Variants in SEZ6L observed in about 807,000 individuals in gnomAD.
SEZ6L encodes seizure 6-like protein.
Under a neutral mutation model 106.2 loss-of-function variants are expected in SEZ6L, and 37 were observed. The observed-to-expected ratio is 0.35, with a 90% CI of 0.27 to 0.46. The LOEUF (loss-of-function observed/expected upper bound fraction) is 0.46. Among genes scored for constraint, SEZ6L ranks in the 20% least tolerant of loss-of-function variants. The pLI is 1.00. For missense variants in SEZ6L, 1,172 were observed against 1,332.8 expected, an observed-to-expected ratio of 0.88 and a Z score of 1.88; for synonymous variants, 541 against 570.4, an observed-to-expected ratio of 0.95 and a Z score of 0.73.
At chr22:26,316,376 C>T (rs1601479031) in intron 9 of SEZ6L, among the ~76,000 whole-genome samples, 1 of 152,174 alleles carries the variant, frequency 6.6e-6, no homozygotes, top group Admixed American at 6.5e-5. Context: ...GCAGTCCTCA[C>T]CCTGCATGCC....
intron 9 of SEZ6L, among the ~76,000 whole-genome samples, chr22:26,327,814 A>T (rs538170807): frequency 6.6e-6 from 1 of 152,292 alleles, no homozygotes; most frequent in African/African-American, 2.4e-5. Flanking sequence ...CCTGACTTAG[A>T]TGTCCCGGAA....
rs573888389 is a variant in SEZ6L at position 26,327,636 on chromosome 22, C to T, written c.2016-12800C>T. ...ACCACATGACACTAAACACACACCA[C>T]ACGCACCACATGACACACCACGCCC... On this transcript the variant is annotated intron_variant, in intron 9 of 16. Coordinates refer to ENST00000248933, the MANE Select transcript of SEZ6L (RefSeq NM_021115.5). 9.4e-5 allele frequency among the ~76,000 whole-genome samples: 14 copies of T among 149,230 alleles called. No individual in the cohort carries two copies. The South Asian group carries it at 2.8e-3, about 30-fold the overall frequency.
intron 1 of SEZ6L, among the ~76,000 whole-genome samples, chr22:26,175,537 C>G (rs1436260592): frequency 6.6e-6 from 1 of 152,064 alleles, no homozygotes; most frequent in Non-Finnish European, 1.5e-5. Flanking sequence ...GCACCAAACT[C>G]CAAACACTGA....
chr22:26,322,673 T>C lies in SEZ6L; in HGVS notation c.2015+8771T>C, dbSNP rs2082189395. Reference sequence around the variant, plus strand: ...ACCATTAGGCATGAAATGAATGCTCTGAATCACAGCATCAATTACAACCAT... The same window carrying C: ...ACCATTAGGCATGAAATGAATGCTCCGAATCACAGCATCAATTACAACCAT... On this transcript the variant is annotated intron_variant, in intron 9 of 16. Transcript: ENST00000248933. Among the ~76,000 whole-genome samples, 5 of 152,188 alleles carry C rather than the reference T, an allele frequency of 3.3e-5. No homozygotes were observed. In the South Asian group the frequency reaches 8.3e-4, roughly 25 times the overall value.
intron 1 of SEZ6L, among the ~76,000 whole-genome samples, chr22:26,184,578 G>A (rs1939647892): frequency 1.3e-5 from 2 of 152,142 alleles, no homozygotes; most frequent in Admixed American, 1.3e-4. Flanking sequence ...AAAACTAATA[G>A]TGCCAGCCCT....
chr22:26,270,165 C>G (rs1165081880), intron 1 of SEZ6L, among the ~76,000 whole-genome samples: 1 of 152,134 alleles, frequency 6.6e-6, no homozygotes, highest in Non-Finnish European at 1.5e-5. Context: ...GAACCTGGCA[C>G]AGAAGGATTG....
At chr22:26,259,941 A>G (rs893620265) in intron 1 of SEZ6L, among the ~76,000 whole-genome samples, 1 of 152,232 alleles carries the variant, frequency 6.6e-6, no homozygotes, top group Non-Finnish European at 1.5e-5. Flanking sequence ...TTATGTTTCC[A>G]ACAATTACAA....
intron 1 of SEZ6L, among the ~76,000 whole-genome samples, chr22:26,287,298 T>C (rs2080968241): frequency 6.6e-6 from 1 of 152,146 alleles, no homozygotes; most frequent in South Asian, 2.1e-4. Context: ...TATCAGTGTG[T>C]GTGTGTTTTC....
chr22:26,235,426 A>G (rs1049485203), intron 1 of SEZ6L, among the ~76,000 whole-genome samples: 2 of 152,200 alleles, frequency 1.3e-5, no homozygotes, highest in African/African-American at 4.8e-5. Flanking sequence ...ACACATTGCT[A>G]GGTACTAGGA....
chr22:26,292,313 C>A, intron 1 of SEZ6L, 93 bp from the exon 2 acceptor site: 1 of 985,908 alleles, frequency 1.0e-6, no homozygotes, highest in Non-Finnish European at 1.5e-6. Context: ...GAGCTTTGGG[C>A]ACCGCCCTTA....
intron 1 of SEZ6L, among the ~76,000 whole-genome samples, chr22:26,292,018 AGGAAGGAAGGAAGGAAGGATGGAT>A (rs1405502612): frequency 6.2e-4 from 78 of 125,272 alleles, no homozygotes; most frequent in African/African-American, 2.2e-3. Flanking sequence ...GAAGGAAGGA[AGGAAGGAAGGAAGGAAGGATGGAT>A]GGAAGGAAAG....
At chr22:26,191,976 C>CTCCATCCATCCATCCA (rs55983247) in intron 1 of SEZ6L, among the ~76,000 whole-genome samples, 3 of 149,972 alleles carry the variant, frequency 2.0e-5, no homozygotes, top group Non-Finnish European at 4.4e-5. Flanking sequence ...AAGCAAGTCA[C>CTCCATCCATCCATCCA]TCCATCCATC....
At chr22:26,267,433 G>A (rs1275545332) in intron 1 of SEZ6L, among the ~76,000 whole-genome samples, 2 of 152,212 alleles carry the variant, frequency 1.3e-5, no homozygotes, top group African/African-American at 2.4e-5. Flanking sequence ...CCTTTTTGTA[G>A]AGAGCTTTGA....
At chr22:26,179,245 C>A (rs1265810854) in intron 1 of SEZ6L, among the ~76,000 whole-genome samples, 3 of 152,106 alleles carry the variant, frequency 2.0e-5, no homozygotes, top group Non-Finnish European at 4.4e-5. Context: ...TAAAAATTAG[C>A]CAGGTGTGGT....
At chr22:26,195,175 T>G (rs1299970534) in intron 1 of SEZ6L, among the ~76,000 whole-genome samples, 1 of 152,238 alleles carries the variant, frequency 6.6e-6, no homozygotes, top group African/African-American at 2.4e-5. Context: ...TGGGCTTACC[T>G]GACGTGCCAC....
chr22:26,367,026 C>T (rs1464890774), intron 13 of SEZ6L, among the ~76,000 whole-genome samples: 1 of 152,076 alleles, frequency 6.6e-6, no homozygotes, highest in African/African-American at 2.4e-5. Flanking sequence ...TCATTGTGTA[C>T]TAAAATATAT....
chr22:26,348,656 AAG>A (rs1248313600), intron 11 of SEZ6L, among the ~76,000 whole-genome samples: 6 of 46,624 alleles, frequency 1.3e-4, no homozygotes, highest in Non-Finnish European at 1.3e-4. Context: ...AAAAGAAAGA[AAG>A]AAAGAAAGAA....
intron 9 of SEZ6L, among the ~76,000 whole-genome samples, chr22:26,320,795 G>T (rs2082133003): frequency 6.6e-6 from 1 of 152,184 alleles, no homozygotes; most frequent in East Asian, 1.9e-4. Flanking sequence ...TGCCCCAGGG[G>T]ACACTTGCCA....
intron 1 of SEZ6L, among the ~76,000 whole-genome samples, chr22:26,274,311 T>G (rs1250809635): frequency 1.3e-5 from 2 of 151,924 alleles, no homozygotes; most frequent in African/African-American, 2.4e-5. Flanking sequence ...TATAGGACCT[T>G]GGATATAGGA....
Sources: allele counts gnomAD v4.1 joint callset (sites outside exome capture counted in the v4.1 genomes callset), GRCh38; gene constraint gnomAD v4.1.1; transcripts MANE v1.5; gene names NCBI Gene and HGNC (gene_info 2026-07-23, HGNC 2026-07-21).